Variants in RFC3 observed in about 807,000 individuals in gnomAD.
RFC3 encodes the protein A1 38 kDa subunit.
Under a neutral mutation model 45.1 loss-of-function variants are expected in RFC3, and 41 were observed. That is an observed-to-expected ratio of 0.91 (90% CI 0.71 to 1.18). The LOEUF is 1.18. Ranked by LOEUF, RFC3 falls within the 50% of genes most tolerant of loss-of-function variation. RFC3 has a pLI of 0.00. For synonymous variants in RFC3, 149 were observed against 144.0 expected, an observed-to-expected ratio of 1.03 and a Z score of -0.25; for missense variants, 423 against 428.1, an observed-to-expected ratio of 0.99 and a Z score of 0.10.
At chr13:33,933,078 C>T (rs1373434274) in intron 8 of RFC3, among the ~76,000 whole-genome samples, 2 of 152,128 alleles carry the variant, frequency 1.3e-5, no homozygotes, top group Non-Finnish European at 2.9e-5. Context: ...CTTTGAGTTA[C>T]AGATGGTGAT....
Position 33,822,224 on chromosome 13 carries a change from G to C in RFC3, c.225+955G>C, listed in dbSNP as rs375253091. 1.3e-4 allele frequency among the ~76,000 whole-genome samples: 20 copies of C among 152,176 alleles called. No individual in the cohort carries two copies. The East Asian group carries it at 1.3e-3, about 10-fold the overall frequency. On this transcript the variant is annotated intron_variant, in intron 2 of 8. Coordinates refer to ENST00000380071, the MANE Select transcript of RFC3 (RefSeq NM_002915.4). The stretch of plus-strand genomic sequence containing the variant: ...TAACAAAAATGGTGTGGATGTGTCA[G>C]AAGAAACTAATATCTTATAGAGGGA...
At position 33,829,840 on chromosome 13, in the gene RFC3, A is replaced by G. The variant is rs5001163; in HGVS notation, c.396A>G (p.Val132=). 1.2e-6 allele frequency: 2 copies of G among 1,613,644 alleles called. No homozygotes were observed. Among genetic ancestry groups the G allele is most frequent in the Non-Finnish European group, 8.5e-7 (1 of 1,179,520 alleles). Residue 132 remains valine (V), a synonymous_variant, in exon 5 of 9, where the codon GTA becomes GTG. Transcript: ENST00000380071. ...TTTTGTTTCTCTTTGACTCAGTGGT[A>G]TTATTGACAGAAGTTGACAAACTCA... The part of the protein sequence containing the change: ...ETNSQRDFKV[V]LLTEVDKLTK...
rs572004498 is a variant in RFC3, at chr13:33,836,926, AGAAT to A, written c.*635_*638del. ...TACTTGAGACTCTTGAAGAAAATTC[AGAAT>A]GAAGTTCTGGAGAAAGGTATGTTAC... is the stretch of plus-strand genomic sequence containing the variant. On this transcript the variant is annotated 3_prime_UTR_variant, in exon 9 of 9. Transcript: ENST00000380071. The A allele has an allele frequency of 1.1e-4, 105 of 985,084 alleles. No homozygotes were observed. The African/African-American group carries it at 1.8e-3, about 17-fold the overall frequency. 61.0% of individuals were successfully genotyped at this position (985,084 alleles called of 1,614,324 possible).
chr13:33,837,886 A>T (rs1483633671), downstream of RFC3, among the ~76,000 whole-genome samples: 1 of 151,988 alleles, frequency 6.6e-6, no homozygotes, highest in African/African-American at 2.4e-5. Context: ...ACAAATGTTG[A>T]TATTTTAGGT....
At chr13:33,915,542 G>A (rs989411389) in intron 8 of RFC3, among the ~76,000 whole-genome samples, 1 of 152,034 alleles carries the variant, frequency 6.6e-6, no homozygotes, top group Non-Finnish European at 1.5e-5. Flanking sequence ...GTCCTTGGGG[G>A]TAGATTTCTG....
At chr13:33,832,116 G>A (rs542964397) in intron 7 of RFC3, among the ~76,000 whole-genome samples, 2 of 152,256 alleles carry the variant, frequency 1.3e-5, no homozygotes, top group South Asian at 2.1e-4. Flanking sequence ...TGGCAGCTTC[G>A]ATTGAGAAAC....
At chr13:33,859,867 A>C (rs573362343) in intron 8 of RFC3, among the ~76,000 whole-genome samples, 40 of 152,218 alleles carry the variant, frequency 2.6e-4, no homozygotes, top group African/African-American at 9.4e-4. Context: ...ATCACCCCCA[A>C]ATTCATATGT....
intron 8 of RFC3, among the ~76,000 whole-genome samples, chr13:33,870,188 T>A (rs1275118998): frequency 6.6e-6 from 1 of 152,214 alleles, no homozygotes; most frequent in Non-Finnish European, 1.5e-5. Flanking sequence ...AAAAAATCAT[T>A]TGCATGGAAC....
At chr13:33,828,795 GGATTACAGGCA>G (rs1223259377) in intron 4 of RFC3, among the ~76,000 whole-genome samples, 3 of 152,136 alleles carry the variant, frequency 2.0e-5, no homozygotes, top group South Asian at 2.1e-4. Flanking sequence ...CAAAATGTTG[GGATTACAGGCA>G]GATTACAGGC....
chr13:33,867,985 A>G (rs8002675), intron 8 of RFC3, among the ~76,000 whole-genome samples: 1,636 of 152,334 alleles, frequency 0.011, 32 homozygotes, highest in African/African-American at 0.037. Flanking sequence ...TCCAACAGAA[A>G]TAGAGAGGAA....
intron 8 of RFC3, among the ~76,000 whole-genome samples, chr13:33,921,260 T>A (rs1273145857): frequency 2.0e-5 from 3 of 152,176 alleles, no homozygotes; most frequent in Non-Finnish European, 2.9e-5. Flanking sequence ...GGCTAAGTGC[T>A]GTCAGCAGTG....
At chr13:33,871,320 G>A (rs915811933) in intron 8 of RFC3, among the ~76,000 whole-genome samples, 2 of 152,192 alleles carry the variant, frequency 1.3e-5, no homozygotes, top group African/African-American at 4.8e-5. Flanking sequence ...GGTGTCAGCA[G>A]GGCTGGTTGC....
chr13:33,883,343 G>A (rs1399834765), intron 8 of RFC3, among the ~76,000 whole-genome samples: 1 of 152,122 alleles, frequency 6.6e-6, no homozygotes, highest in Non-Finnish European at 1.5e-5. Context: ...TTGTTAGTTT[G>A]CTTTTCCCAC....
In RFC3 at chr13:33,856,252, A is replaced by G. The variant is rs192879878; in HGVS notation, c.879+21035A>G. On this transcript the variant is annotated intron_variant, in intron 8 of 8. Coordinates refer to the RFC3 transcript ENST00000434425. ...ATTCAGGAACAGAAAACCAAATACCACAAGTTTTTATTTATAAGTGGGAGT... is the reference window on the plus strand; with the variant it reads ...ATTCAGGAACAGAAAACCAAATACCGCAAGTTTTTATTTATAAGTGGGAGT... 7.0e-4 allele frequency among the ~76,000 whole-genome samples: 106 copies of G among 152,278 alleles called. 2 individuals carry two copies. The highest frequency in any genetic ancestry group is 6.0e-3 in the Admixed American group (91 of 15,286).
chr13:33,829,980 G>T lies in RFC3; in HGVS notation c.536G>T (p.Cys179Phe). Residue 179 changes from cysteine (C) to phenylalanine (F), a missense_variant, in exon 5 of 9, where the codon TGC becomes TTC. Physicochemically the swap from Cys to Phe is radical, Grantham distance 205. Transcript: ENST00000380071. ...GTGATCCCACCTATTCGTAGTAGGT[G>T]CTTGGCGGTTCGTGTGCCTGCTCCC... is the stretch of plus-strand genomic sequence containing the variant. ...SKVIPPIRSR[C>F]LAVRVPAPSI... The T allele has an allele frequency of 3.1e-6, 5 of 1,614,120 alleles. No individual in the cohort carries two copies. Among genetic ancestry groups the T allele is most frequent in the Non-Finnish European group, 4.2e-6 (5 of 1,179,986 alleles).
chr13:33,824,944 T>A (rs892061598), intron 3 of RFC3, among the ~76,000 whole-genome samples: 1 of 152,108 alleles, frequency 6.6e-6, no homozygotes, highest in Non-Finnish European at 1.5e-5. Flanking sequence ...GCTAGGAAAA[T>A]GATCGTAAGA....
intron 8 of RFC3, among the ~76,000 whole-genome samples, chr13:33,954,512 C>A (rs1419839836): frequency 1.3e-5 from 2 of 152,234 alleles, no homozygotes; most frequent in Non-Finnish European, 1.5e-5. Flanking sequence ...TCGCAATCTA[C>A]TTCCATTTTC....
intron 8 of RFC3, among the ~76,000 whole-genome samples, chr13:33,891,853 T>C (rs1440910797): frequency 1.3e-5 from 2 of 152,174 alleles, no homozygotes; most frequent in African/African-American, 4.8e-5. Flanking sequence ...TAAAGTCCTA[T>C]GTCCCATATA....
chr13:33,883,417 G>A (rs1428425502), intron 8 of RFC3, among the ~76,000 whole-genome samples: 1 of 152,132 alleles, frequency 6.6e-6, no homozygotes. Flanking sequence ...CCACATCAAA[G>A]GCAACATGAC....
Sources: gnomAD v4.1 joint callset for allele counts (sites outside exome capture counted in the v4.1 genomes callset) on GRCh38, gnomAD v4.1.1 for gene constraint, MANE v1.5 for transcripts, NCBI Gene and HGNC (gene_info 2026-07-23, HGNC 2026-07-21) for gene names.